WDR44: variants seen among roughly 807,000 people sequenced by gnomAD.
WDR44 encodes the protein WD repeat-containing protein 44.
A neutral mutation model predicts 65.7 loss-of-function variants in WDR44; 9 were observed. That is an observed-to-expected ratio of 0.14 (90% CI 0.08 to 0.24). The LOEUF (loss-of-function observed/expected upper bound fraction) is 0.24, where lower values mean the gene tolerates loss of function less well. Ranked by LOEUF, WDR44 falls within the 10% of genes least tolerant of loss-of-function variation. WDR44 has a pLI of 1.00. For synonymous variants in WDR44, 220 were observed against 235.2 expected, an observed-to-expected ratio of 0.94 and a Z score of 0.59; for missense variants, 425 against 670.9, an observed-to-expected ratio of 0.63 and a Z score of 4.05.
In WDR44 at chrX:118,449,097, C is replaced by A; in HGVS notation, c.*110C>A. ...TTTTTAATTTTTATTGAAAGTTGTTCAAATATAATATATTTTTTGAGAGGC... is the reference window on the plus strand; with the variant it reads ...TTTTTAATTTTTATTGAAAGTTGTTAAAATATAATATATTTTTTGAGAGGC... On this transcript the variant is annotated 3_prime_UTR_variant, in exon 20 of 20. Coordinates refer to ENST00000254029, the MANE Select transcript of WDR44 (RefSeq NM_019045.5). The A allele has an allele frequency of 2.1e-6, 1 of 486,591 alleles. No individual in the cohort carries two copies. The highest frequency in any genetic ancestry group is 5.4e-5 in the South Asian group (1 of 18,412). 40.1% of individuals were successfully genotyped at this position (486,591 alleles called of 1,213,427 possible). A position where few individuals can be genotyped will look rare whatever the true frequency, so the allele number is the denominator to read the frequency against.
At chrX:118,447,875 AATATATAT>A (rs10570740) in intron 19 of WDR44, among the ~76,000 whole-genome samples, 679 of 54,761 alleles carry the variant, frequency 0.012, 21 homozygotes, top group African/African-American at 0.037. Flanking sequence ...CTCTATCTAA[AATATATAT>A]ATATATATAT....
At position 118,395,192 on chromosome X, in the gene WDR44, T is replaced by C; in HGVS notation, c.958-57T>C. The C allele has an allele frequency of 2.9e-6, 3 of 1,048,986 alleles. No individual in the cohort carries two copies. In the South Asian group the frequency reaches 6.2e-5, roughly 22 times the overall value. The allele number at this position is 1,048,986 out of a possible 1,213,427, so 86.4% of individuals were successfully genotyped here. On this transcript the variant is annotated intron_variant, in intron 5 of 19. Coordinates refer to ENST00000254029, the MANE Select transcript of WDR44 (RefSeq NM_019045.5). ...CTTTAGAATTATATGTGGTAATAAT[T>C]GAAAATTTATAGAAATTGATTCAGT...
At chrX:118,417,120 T>G (rs1602948433) in intron 12 of WDR44, among the ~76,000 whole-genome samples, 1 of 112,256 alleles carries the variant, frequency 8.9e-6, no homozygotes, top group Admixed American at 9.5e-5. Flanking sequence ...TGGGTTCTTA[T>G]CCATTCTGCA....
chrX:118,398,520 A>G (rs1466994005), intron 8 of WDR44, 50 bp downstream of exon 8: 1 of 1,015,212 alleles, frequency 9.9e-7, no homozygotes, highest in African/African-American at 1.9e-5. Flanking sequence ...TATTTAAAAA[A>G]ATATGAGAAC....
intron 19 of WDR44, chrX:118,447,160 A>G (rs895379416): frequency 6.3e-5 from 17 of 271,437 alleles, no homozygotes; most frequent in Non-Finnish European, 8.9e-5. Flanking sequence ...GGCATGAGAC[A>G]TCATACCTGG....
intron 12 of WDR44, among the ~76,000 whole-genome samples, chrX:118,423,125 C>T (rs948940945): frequency 7.2e-5 from 8 of 111,572 alleles, no homozygotes; most frequent in African/African-American, 3.3e-5. Context: ...ATGGAGCATA[C>T]ATTCTAGTGG....
At chrX:118,351,139 G>A (rs779574271) in intron 1 of WDR44, among the ~76,000 whole-genome samples, 3 of 112,150 alleles carry the variant, frequency 2.7e-5, no homozygotes, top group Non-Finnish European at 5.6e-5. Flanking sequence ...TTTTGCTTAC[G>A]AGTTTTTTCC....
chrX:118,382,395 T>A (rs2056727093), intron 2 of WDR44, among the ~76,000 whole-genome samples: 1 of 111,153 alleles, frequency 9.0e-6, no homozygotes, highest in Non-Finnish European at 1.9e-5. Flanking sequence ...TTGAAAGGAG[T>A]GGATGTATGG....
intron 12 of WDR44, among the ~76,000 whole-genome samples, chrX:118,424,333 ATATATATATATATATG>A (rs1433399362): frequency 4.5e-5 from 4 of 88,322 alleles, no homozygotes; most frequent in African/African-American, 2.1e-4. Context: ...GTATATATAT[ATATATATATATATATG>A]TATATATATA....
At chrX:118,447,095 G>A (rs1381337201) in intron 19 of WDR44, 20 of 318,076 alleles carry the variant, frequency 6.3e-5, no homozygotes, top group Middle Eastern at 6.4e-4. Context: ...GGCTGGTCTC[G>A]AACTTCTAGC....
intron 14 of WDR44, among the ~76,000 whole-genome samples, chrX:118,438,031 A>G (rs1188105701): frequency 3.3e-5 from 2 of 61,331 alleles, no homozygotes; most frequent in South Asian, 6.7e-4. Context: ...GTCTCAAAAT[A>G]AAAAAAAAAA....
chrX:118,346,619 A>C, intron 1 of WDR44, 39 bp downstream of exon 1: 1 of 1,070,345 alleles, frequency 9.3e-7, no homozygotes, highest in Non-Finnish European at 1.3e-6. Flanking sequence ...CGGGCATCCC[A>C]AGCCCCCCGC....
chrX:118,364,009 A>G (rs1410462463), intron 1 of WDR44, among the ~76,000 whole-genome samples: 1 of 112,170 alleles, frequency 8.9e-6, no homozygotes, highest in African/African-American at 3.2e-5. Flanking sequence ...GTTCAGATAT[A>G]TTATATGCCA....
At chrX:118,445,444 C>T (rs2057338223) in intron 19 of WDR44, among the ~76,000 whole-genome samples, 1 of 112,400 alleles carries the variant, frequency 8.9e-6, no homozygotes. Context: ...CTTTTCATGT[C>T]TTATTTATTG....
At chrX:118,353,256 C>T (rs2056430085) in intron 1 of WDR44, among the ~76,000 whole-genome samples, 1 of 111,769 alleles carries the variant, frequency 8.9e-6, no homozygotes, top group Admixed American at 9.5e-5. Context: ...TCTGTCATCT[C>T]ATGATTCAAA....
chrX:118,447,866 T>A, intron 19 of WDR44, among the ~76,000 whole-genome samples: 1 of 84,554 alleles, frequency 1.2e-5, no homozygotes, highest in South Asian at 6.1e-4. Context: ...AGAGTGAGAC[T>A]CTATCTAAAA....
intron 1 of WDR44, among the ~76,000 whole-genome samples, chrX:118,370,598 T>A (rs924843377): frequency 1.8e-5 from 2 of 110,251 alleles, no homozygotes; most frequent in African/African-American, 6.6e-5. Flanking sequence ...CCTCTTTTTT[T>A]TTTTTAGACA....
chrX:118,389,685 A>G (rs1049141231), intron 3 of WDR44, among the ~76,000 whole-genome samples: 1 of 91,265 alleles, frequency 1.1e-5, no homozygotes, highest in African/African-American at 4.3e-5. Context: ...GCGCCACTGC[A>G]CTCCAGCCTG....
At chrX:118,445,114 T>C in intron 19 of WDR44, 1 of 254,210 alleles carries the variant, frequency 3.9e-6, no homozygotes, top group Admixed American at 5.0e-5. Flanking sequence ...GCTAACACGG[T>C]GAAACCCCGT....
Sources: allele counts gnomAD v4.1 joint callset (sites outside exome capture counted in the v4.1 genomes callset), GRCh38; gene constraint gnomAD v4.1.1; transcripts MANE v1.5; gene names NCBI Gene and HGNC (gene_info 2026-07-23, HGNC 2026-07-21).